Variants in PDGFC observed in about 807,000 individuals in gnomAD.
PDGFC encodes platelet-derived growth factor C.
A neutral mutation model predicts 35.5 loss-of-function variants in PDGFC; 12 were observed. The ratio of observed to expected loss-of-function variants is 0.34; its 90% CI spans 0.22 to 0.55. The LOEUF is 0.55. PDGFC is among the 20% of genes least tolerant of loss of function. PDGFC has a pLI of 0.91. For synonymous variants in PDGFC, 159 were observed against 148.8 expected, an observed-to-expected ratio of 1.07 and a Z score of -0.50; for missense variants, 322 against 412.4, an observed-to-expected ratio of 0.78 and a Z score of 1.90.
chr4:156,922,434 T>C lies in PDGFC; in HGVS notation c.118+48352A>G, dbSNP rs1383987854. 3.9e-5 allele frequency among the ~76,000 whole-genome samples: 6 copies of C among 152,202 alleles called. No individual in the cohort carries two copies. In the South Asian group the frequency reaches 8.3e-4, roughly 21 times the overall value. ...CAGCTCCAGCTTACAAGTTTTAATATACTATAAATATTAGAAAGTAGCATA... is the reference window on the plus strand; with the variant it reads ...CAGCTCCAGCTTACAAGTTTTAATACACTATAAATATTAGAAAGTAGCATA... On this transcript the variant is annotated intron_variant, in intron 1 of 5. Transcript: ENST00000502773.
intron 1 of PDGFC, among the ~76,000 whole-genome samples, chr4:156,851,290 A>C (rs35396502): frequency 0.21 from 32,358 of 152,176 alleles, 4,606 homozygotes; most frequent in Non-Finnish European, 0.32. Context: ...AAATATTAAA[A>C]TATAAAAAAT....
chr4:156,890,432 C>T (rs533680645), intron 1 of PDGFC, among the ~76,000 whole-genome samples: 3 of 152,134 alleles, frequency 2.0e-5, no homozygotes, highest in Non-Finnish European at 4.4e-5. Context: ...GCACTTGGCA[C>T]GCGCTGCCGT....
intron 1 of PDGFC, among the ~76,000 whole-genome samples, chr4:156,910,950 G>A (rs1731024187): frequency 6.6e-6 from 1 of 152,068 alleles, no homozygotes. Flanking sequence ...CAAATCCTTT[G>A]TCAGATATGT....
rs1730390232 is a variant in PDGFC, at chr4:156,762,068, T to C, written c.*1022A>G. 1 of 152,668 alleles carries C rather than the reference T, an allele frequency of 6.6e-6. No individual in the cohort carries two copies. 9.5% of individuals were successfully genotyped at this position (152,668 alleles called of 1,614,324 possible). ...AACAGGAATGGAAGATATGATAATT[T>C]AATTATTTTCAAAAAGTCTTTGCAA... On this transcript the variant is annotated 3_prime_UTR_variant, in exon 6 of 6. Transcript: ENST00000502773.
intron 1 of PDGFC, among the ~76,000 whole-genome samples, chr4:156,871,312 T>G (rs938671023): frequency 1.3e-5 from 2 of 151,766 alleles, no homozygotes; most frequent in Non-Finnish European, 2.9e-5. Flanking sequence ...TAGATTTATT[T>G]TTCCCCCCCT....
chr4:156,849,320 G>A (rs1042609713), intron 2 of PDGFC, among the ~76,000 whole-genome samples: 16 of 152,194 alleles, frequency 1.1e-4, no homozygotes, highest in South Asian at 6.2e-4. Context: ...ATGTAACTAT[G>A]TAAGTGCTAA....
intron 1 of PDGFC, among the ~76,000 whole-genome samples, chr4:156,957,444 G>A (rs573061808): frequency 6.6e-6 from 1 of 151,860 alleles, no homozygotes. Context: ...TTCAGTCTCT[G>A]CTGTATTTTA....
intron 1 of PDGFC, among the ~76,000 whole-genome samples, chr4:156,967,944 T>C (rs1029006638): frequency 6.6e-6 from 1 of 152,206 alleles, no homozygotes; most frequent in African/African-American, 2.4e-5. Flanking sequence ...AGTCAACTTA[T>C]AATATTAGAG....
intron 4 of PDGFC, among the ~76,000 whole-genome samples, chr4:156,772,408 A>G (rs1434207891): frequency 1.3e-5 from 2 of 152,174 alleles, no homozygotes; most frequent in Non-Finnish European, 2.9e-5. Context: ...AAATGCAATG[A>G]AGGACTTCAT....
chr4:156,769,603 T>A (rs955634800), intron 4 of PDGFC, among the ~76,000 whole-genome samples: 1 of 151,978 alleles, frequency 6.6e-6, no homozygotes, highest in Non-Finnish European at 1.5e-5. Flanking sequence ...ATTTGGCTAC[T>A]GAAAGATTTC....
intron 1 of PDGFC, among the ~76,000 whole-genome samples, chr4:156,913,300 G>A (rs1731082307): frequency 6.6e-6 from 1 of 151,942 alleles, no homozygotes; most frequent in Non-Finnish European, 1.5e-5. Context: ...AACGGAGTTG[G>A]GAAGCCCTTC....
At chr4:156,913,352 A>G (rs1731083527) in intron 1 of PDGFC, among the ~76,000 whole-genome samples, 1 of 152,016 alleles carries the variant, frequency 6.6e-6, no homozygotes, top group African/African-American at 2.4e-5. Context: ...TGCAAGAAAT[A>G]TTTTAAAAAG....
At chr4:156,799,102 C>G (rs1731527775) in intron 3 of PDGFC, among the ~76,000 whole-genome samples, 1 of 151,422 alleles carries the variant, frequency 6.6e-6, no homozygotes, top group Admixed American at 6.6e-5. Context: ...CTTAAGCAAT[C>G]TGCCTTGGAA....
At chr4:156,816,658 C>A in intron 2 of PDGFC, among the ~76,000 whole-genome samples, 1 of 152,126 alleles carries the variant, frequency 6.6e-6, no homozygotes, top group East Asian at 1.9e-4. Context: ...CAAGGTCACA[C>A]CAGCAACTAA....
At chr4:156,813,101 A>C (rs1371842906) in intron 2 of PDGFC, among the ~76,000 whole-genome samples, 2 of 152,058 alleles carry the variant, frequency 1.3e-5, no homozygotes, top group African/African-American at 2.4e-5. Context: ...GATGGTGGGT[A>C]TAGCAGACCT....
chr4:156,810,856 T>C lies in PDGFC; in HGVS notation c.476A>G (p.His159Arg), dbSNP rs1417814417. 6.2e-7 allele frequency: 1 copy of C among 1,602,622 alleles called. No homozygotes were observed. Among genetic ancestry groups the C allele is most frequent in the South Asian group, 1.1e-5 (1 of 90,444 alleles). ...YFPSEPGFCI[H>R]YNIVMPQFTE... Reference sequence around the variant, plus strand: ...ACTTACTGGCATGACAATGTTGTAGTGGATGCAGAACCCTGGTTCAGAAGG... The same window carrying C: ...ACTTACTGGCATGACAATGTTGTAGCGGATGCAGAACCCTGGTTCAGAAGG... Residue 159 changes from histidine to arginine, a missense_variant, in exon 3 of 6, where the codon CAC (histidine) becomes CGC (arginine). By Grantham distance (29) the His-to-Arg change is conservative (BLOSUM62 0). Coordinates refer to ENST00000502773, the MANE Select transcript of PDGFC (RefSeq NM_016205.3).
At chr4:156,841,911 CTA>C (rs964325030) in intron 2 of PDGFC, 1 of 152,166 alleles carries the variant, frequency 6.6e-6, no homozygotes, top group African/African-American at 2.4e-5. Flanking sequence ...GTATGAATCC[CTA>C]TATGTTTCAA....
At chr4:156,880,850 TGA>T (rs143208977) in intron 1 of PDGFC, among the ~76,000 whole-genome samples, 9,318 of 152,116 alleles carry the variant, frequency 0.061, 921 homozygotes, top group African/African-American at 0.21. Context: ...TGAGGAGTTG[TGA>T]GGAGTTGTTT....
chr4:156,782,269 A>G (rs978821175), intron 3 of PDGFC, among the ~76,000 whole-genome samples: 5 of 152,320 alleles, frequency 3.3e-5, no homozygotes, highest in African/African-American at 1.2e-4. Flanking sequence ...CACTTATCCT[A>G]TGTCGGTTTT....
Sources: allele counts gnomAD v4.1 joint callset (sites outside exome capture counted in the v4.1 genomes callset), GRCh38; gene constraint gnomAD v4.1.1; transcripts MANE v1.5; gene names NCBI Gene and HGNC (gene_info 2026-07-23, HGNC 2026-07-21).